NIPA1: variants seen among roughly 807,000 people sequenced by gnomAD.
NIPA1 encodes the protein NIPA magnesium transporter 1.
In NIPA1, 13 loss-of-function variants were observed where a neutral mutation model predicts 23.9. The observed-to-expected ratio is 0.54, with a 90% CI of 0.35 to 0.87. The LOEUF is 0.87. Ranked by LOEUF, NIPA1 falls within the 40% of genes least tolerant of loss-of-function variation. NIPA1 has a pLI of 0.01. For missense variants in NIPA1, 362 were observed against 429.7 expected, an observed-to-expected ratio of 0.84 and a Z score of 1.39; for synonymous variants, 234 against 202.9, an observed-to-expected ratio of 1.15 and a Z score of -1.30.
intron 3 of NIPA1, among the ~76,000 whole-genome samples, chr15:22,815,119 T>C (rs1566785888): frequency 6.6e-6 from 1 of 152,028 alleles, no homozygotes; most frequent in African/African-American, 2.4e-5. Context: ...TAAAAAAAAA[T>C]CCATTTTAGC....
chr15:22,805,767 A>G (rs1895194040), intron 1 of NIPA1, among the ~76,000 whole-genome samples: 1 of 152,010 alleles, frequency 6.6e-6, no homozygotes, highest in Non-Finnish European at 1.5e-5. Flanking sequence ...CTAGTTATCC[A>G]CTCTTGCTTG....
chr15:22,789,645 G>A (rs1894788667), intron 1 of NIPA1, among the ~76,000 whole-genome samples: 1 of 152,150 alleles, frequency 6.6e-6, no homozygotes, highest in Non-Finnish European at 1.5e-5. Flanking sequence ...CTTACACTAG[G>A]GAACATTTCC....
intron 1 of NIPA1, among the ~76,000 whole-genome samples, chr15:22,795,109 C>G (rs1357721552): frequency 6.6e-6 from 1 of 152,002 alleles, no homozygotes; most frequent in South Asian, 2.1e-4. Flanking sequence ...CGGAGCTGAC[C>G]TTACTTACGT....
chr15:22,821,352 C>T (rs2057773614), intron 4 of NIPA1, among the ~76,000 whole-genome samples: 1 of 152,200 alleles, frequency 6.6e-6, no homozygotes, highest in Admixed American at 6.5e-5. Context: ...AGTAGACCAC[C>T]CTGTGTTGCT....
At chr15:22,799,578 C>T (rs180724474) in intron 1 of NIPA1, among the ~76,000 whole-genome samples, 25 of 151,814 alleles carry the variant, frequency 1.6e-4, no homozygotes, top group East Asian at 7.7e-4. Flanking sequence ...GTCAGGAGAT[C>T]GAGACCATCC....
chr15:22,796,662 T>C (rs1188901538), intron 1 of NIPA1, among the ~76,000 whole-genome samples: 2 of 152,144 alleles, frequency 1.3e-5, no homozygotes, highest in African/African-American at 4.8e-5. Context: ...GTTTTAACCA[T>C]GAGGGACTAG....
Position 22,820,406 on chromosome 15 carries a change from T to C in NIPA1, c.411T>C (p.Ile137=), listed in dbSNP as rs1202986314. The C allele has an allele frequency of 1.2e-5, 19 of 1,612,598 alleles. No individual in the cohort carries two copies. The highest frequency in any genetic ancestry group is 1.6e-4 in the Middle Eastern group (1 of 6,062). ...GCTGTGCAGGCTCCGTCGTGCTGAT[T>C]ATCCACTCCCCAAAGTCTGAGAGTG... The part of the protein sequence containing the change: ...LLSCAGSVVL[I]IHSPKSESVT... Residue 137 remains isoleucine, a synonymous_variant, in exon 4 of 5, where the codon ATT becomes ATC. Coordinates refer to ENST00000337435, the MANE Select transcript of NIPA1 (RefSeq NM_144599.5).
At chr15:22,817,652 A>C (rs1196754256) in intron 3 of NIPA1, among the ~76,000 whole-genome samples, 2 of 151,496 alleles carry the variant, frequency 1.3e-5, no homozygotes, top group Admixed American at 1.3e-4. Flanking sequence ...AGAAATACAA[A>C]AAATTAGCCG....
chr15:22,787,984 A>G (rs978256914), intron 1 of NIPA1, among the ~76,000 whole-genome samples: 14 of 152,170 alleles, frequency 9.2e-5, no homozygotes, highest in Non-Finnish European at 5.9e-5. Flanking sequence ...AAAACCAAGT[A>G]TGATTTTCCA....
At chr15:22,808,466 G>A (rs906075821) in intron 1 of NIPA1, among the ~76,000 whole-genome samples, 1 of 152,174 alleles carries the variant, frequency 6.6e-6, no homozygotes, top group Non-Finnish European at 1.5e-5. Flanking sequence ...GACAGCCACA[G>A]CAGGCAGGTG....
chr15:22,824,415 G>A lies in NIPA1; in HGVS notation c.*176G>A, dbSNP rs754444401. On this transcript the variant is annotated 3_prime_UTR_variant, in exon 5 of 5. Coordinates refer to ENST00000337435, the MANE Select transcript of NIPA1 (RefSeq NM_144599.5). The surrounding 1 kb of genome is among the most constrained non-coding windows in gnomAD (Gnocchi z 4.1). ...CAGCACCAGAGCAGAGGCCCAGCCA[G>A]CCCTCTGCAGCCCAAACGTCCCCAA... 1.6e-5 allele frequency: 10 copies of A among 639,556 alleles called. No homozygotes were observed. Among genetic ancestry groups the A allele is most frequent in the Non-Finnish European group, 2.8e-5 (10 of 357,442 alleles). 39.6% of individuals were successfully genotyped at this position (639,556 alleles called of 1,614,324 possible). A position where few individuals can be genotyped will look rare whatever the true frequency, so the allele number is the denominator to read the frequency against.
rs1468574108 is a variant in NIPA1, at chr15:22,826,331, C to T, written c.*2092C>T. ...GTTAACAAATGCTCAAAGTCCATTA[C>T]TCTTTTTATTGGCTCTTGCAGGTTT... On this transcript the variant is annotated 3_prime_UTR_variant, in exon 5 of 5. Coordinates refer to ENST00000337435, the MANE Select transcript of NIPA1 (RefSeq NM_144599.5). 2 of 152,162 alleles carry T rather than the reference C, an allele frequency of 1.3e-5. No homozygotes were observed. The highest frequency in any genetic ancestry group is 4.8e-5 in the African/African-American group (2 of 41,432). 9.4% of individuals were successfully genotyped at this position (152,162 alleles called of 1,614,324 possible).
At chr15:22,805,469 C>G (rs1173882986) in intron 1 of NIPA1, among the ~76,000 whole-genome samples, 2 of 152,106 alleles carry the variant, frequency 1.3e-5, no homozygotes, top group Non-Finnish European at 2.9e-5. Context: ...AGCGGATCAC[C>G]TGAGGTCAGG....
chr15:22,823,646 C>A, intron 4 of NIPA1, 82 bp from the exon 5 acceptor site: 2 of 1,452,156 alleles, frequency 1.4e-6, no homozygotes, highest in Non-Finnish European at 1.9e-6. Flanking sequence ...CGGGTGGGGG[C>A]CCGGGTGCTG....
At chr15:22,821,060 C>T (rs12594153) in intron 4 of NIPA1, among the ~76,000 whole-genome samples, 40,556 of 150,554 alleles carry the variant, frequency 0.27, 5,792 homozygotes, top group Non-Finnish European at 0.32. Context: ...TCACTGCGAG[C>T]TCCGCCATTC....
intron 1 of NIPA1, among the ~76,000 whole-genome samples, chr15:22,787,923 C>A (rs899490821): frequency 7.2e-5 from 11 of 152,090 alleles, no homozygotes; most frequent in Admixed American, 7.2e-4. Context: ...AGGAATTTAG[C>A]TTTAAAGTGA....
intron 1 of NIPA1, among the ~76,000 whole-genome samples, chr15:22,797,058 T>TTGG: frequency 6.6e-6 from 1 of 151,636 alleles, no homozygotes; most frequent in East Asian, 1.9e-4. Flanking sequence ...TTTTTTTTTT[T>TTGG]AGATAAAGTC....
intron 2 of NIPA1, among the ~76,000 whole-genome samples, 163 bp from the exon 3 acceptor site, chr15:22,811,993 TCCTGACC>T (rs1272528212): frequency 6.6e-6 from 1 of 152,210 alleles, no homozygotes; most frequent in African/African-American, 2.4e-5. Context: ...AAGGTGTGGT[TCCTGACC>T]CCTGACCCCT....
Position 22,810,781 on chromosome 15 carries a change from G to GA in NIPA1, c.211_212insA (p.Ala71AspfsTer74). On this transcript the variant is annotated frameshift_variant, in exon 2 of 5. Coordinates refer to ENST00000337435, the MANE Select transcript of NIPA1 (RefSeq NM_144599.5). LOFTEE classifies it high-confidence loss of function. ...CTATTTAACAGACATTGTGTGGTGGGCTGGCACAATCGCAAGTAAGTAGCC... is the reference window on the plus strand; with the variant it reads ...CTATTTAACAGACATTGTGTGGTGGGACTGGCACAATCGCAAGTAAGTAGCC... The GA allele has an allele frequency of 6.2e-7, 1 of 1,610,612 alleles. No individual in the cohort carries two copies. Among genetic ancestry groups the GA allele is most frequent in the Non-Finnish European group, 8.5e-7 (1 of 1,176,864 alleles).
Sources: allele counts gnomAD v4.1 joint callset (sites outside exome capture counted in the v4.1 genomes callset), GRCh38; gene constraint gnomAD v4.1.1; non-coding constraint Gnocchi (gnomAD v3.1); transcripts MANE v1.5; gene names NCBI Gene and HGNC (gene_info 2026-07-23, HGNC 2026-07-21).